The following POU6F2 variants were observed in gnomAD, a reference collection of about 807,000 sequenced individuals.
POU6F2 encodes POU class 6 homeobox 2.
POU6F2 carries 31 observed loss-of-function variants against 71.3 expected under a neutral mutation model. That is an observed-to-expected ratio of 0.43 (90% CI 0.33 to 0.59). POU6F2 has a LOEUF of 0.59. Among genes scored for constraint, POU6F2 ranks in the 20% least tolerant of loss-of-function variants. The probability of loss-of-function intolerance (pLI) is 0.04; values close to 1 mark genes in which losing one functional copy is unlikely to be tolerated. For synonymous variants in POU6F2, 347 were observed against 355.7 expected (o/e 0.98, Z 0.27); for missense variants, 783 against 856.8 (o/e 0.91, Z 1.07).
At chr7:39,215,260 G>A (rs1435364832) in intron 4 of POU6F2, among the ~76,000 whole-genome samples, 6 of 152,126 alleles carry the variant, frequency 3.9e-5, no homozygotes, top group East Asian at 1.9e-4. Flanking sequence ...CATGAGAATC[G>A]CTTGTACTTG....
chr7:39,269,228 C>T (rs967614628), intron 4 of POU6F2, among the ~76,000 whole-genome samples: 1 of 152,034 alleles, frequency 6.6e-6, no homozygotes, highest in Non-Finnish European at 1.5e-5. Flanking sequence ...ACCACTGACC[C>T]CAGGGGAGAG....
chr7:39,163,513 C>T (rs1793040657), intron 2 of POU6F2, among the ~76,000 whole-genome samples: 1 of 152,178 alleles, frequency 6.6e-6, no homozygotes, highest in Non-Finnish European at 1.5e-5. Context: ...TGGGACAGCA[C>T]ATTTGGCATC....
intron 4 of POU6F2, among the ~76,000 whole-genome samples, chr7:39,298,629 AT>A (rs1051058191): frequency 1.3e-5 from 2 of 152,220 alleles, no homozygotes; most frequent in Non-Finnish European, 2.9e-5. Flanking sequence ...CAGAAATACC[AT>A]TTTACCCAGC....
At chr7:39,311,564 A>G (rs1785165476) in intron 4 of POU6F2, among the ~76,000 whole-genome samples, 2 of 152,242 alleles carry the variant, frequency 1.3e-5, no homozygotes, top group African/African-American at 4.8e-5. Flanking sequence ...TAGGTAGTCA[A>G]TAAGTATTTG....
At chr7:39,340,838 A>G (rs1785902694) in intron 5 of POU6F2, among the ~76,000 whole-genome samples, 2 of 116,896 alleles carry the variant, frequency 1.7e-5, no homozygotes, top group South Asian at 5.2e-4. Context: ...GCTTCAAAAC[A>G]TAATGACTGT....
chr7:39,203,463 A>G (rs1183430198), intron 2 of POU6F2, among the ~76,000 whole-genome samples: 3 of 152,220 alleles, frequency 2.0e-5, no homozygotes, highest in African/African-American at 7.2e-5. Context: ...TGTTTCTACC[A>G]CTATCTTACC....
Position 39,033,060 on chromosome 7 carries a change from G to T in POU6F2, c.106-52800G>T, listed in dbSNP as rs920593455. Among the ~76,000 whole-genome samples, 6 of 152,126 alleles carry T rather than the reference G, an allele frequency of 3.9e-5. No individual in the cohort carries two copies. The South Asian group carries it at 1.0e-3, about 26-fold the overall frequency. ...GTGTCTAAAGATTTCCTTGGTCTCT[G>T]CCCAGGAGCAAAAAGAAACTTTCCT... On this transcript the variant is annotated intron_variant, in intron 1 of 9. Coordinates refer to ENST00000518318, the MANE Select transcript of POU6F2 (RefSeq NM_001370959.1).
intron 1 of POU6F2, among the ~76,000 whole-genome samples, chr7:39,066,379 G>A (rs1022306587): frequency 2.0e-5 from 3 of 151,702 alleles, no homozygotes; most frequent in African/African-American, 7.2e-5. Flanking sequence ...TTAGTGTTAT[G>A]AGATATGAAA....
chr7:39,387,603 G>A (rs186037217), intron 5 of POU6F2, among the ~76,000 whole-genome samples: 1 of 152,322 alleles, frequency 6.6e-6, no homozygotes, highest in Non-Finnish European at 1.5e-5. Context: ...CCACAATTCG[G>A]TGGCTCCTGG....
intron 5 of POU6F2, among the ~76,000 whole-genome samples, chr7:39,377,728 A>G (rs3800851): frequency 0.35 from 53,241 of 152,064 alleles, 9,954 homozygotes; most frequent in East Asian, 0.72. Flanking sequence ...TGAAACATGT[A>G]GGTTTAACCC....
chr7:39,354,183 A>T (rs1002176511), intron 5 of POU6F2, among the ~76,000 whole-genome samples: 2 of 152,348 alleles, frequency 1.3e-5, no homozygotes, highest in South Asian at 2.1e-4. Flanking sequence ...AAGAGACTGT[A>T]CTATTGTACT....
At position 39,065,297 on chromosome 7, in the gene POU6F2, G is replaced by C. The variant is rs76539892; in HGVS notation, c.106-20563G>C. On this transcript the variant is annotated intron_variant, in intron 1 of 9. Coordinates refer to ENST00000518318, the MANE Select transcript of POU6F2 (RefSeq NM_001370959.1). Reference sequence around the variant, plus strand: ...TCTCCAAAATAACTGTTGGGTCAAAGAATAAAATAACATCACAGGATGGGC... The same window carrying C: ...TCTCCAAAATAACTGTTGGGTCAAACAATAAAATAACATCACAGGATGGGC... 4.9e-4 allele frequency among the ~76,000 whole-genome samples: 74 copies of C among 151,660 alleles called. No individual in the cohort carries two copies. The East Asian group carries it at 9.5e-3, about 19-fold the overall frequency.
intron 1 of POU6F2, among the ~76,000 whole-genome samples, chr7:39,072,804 C>G (rs1396500663): frequency 6.6e-6 from 1 of 152,134 alleles, no homozygotes; most frequent in South Asian, 2.1e-4. Context: ...AAACTCCCTG[C>G]GTGGAGCGAC....
At chr7:39,196,558 A>C (rs1417972642) in intron 2 of POU6F2, among the ~76,000 whole-genome samples, 1 of 152,156 alleles carries the variant, frequency 6.6e-6, no homozygotes, top group Non-Finnish European at 1.5e-5. Flanking sequence ...TAGGAGTTCC[A>C]GACCAGCCTG....
In POU6F2 at chr7:39,190,417, T is replaced by TAAAAAAA. The variant is rs57872350; in HGVS notation, c.278-13795_278-13789dup. Among the ~76,000 whole-genome samples, 24 of 59,902 alleles carry TAAAAAAA rather than the reference T, an allele frequency of 4.0e-4. 2 individuals are homozygous for TAAAAAAA. Among genetic ancestry groups the TAAAAAAA allele is most frequent in the African/African-American group, 1.5e-3 (21 of 13,582 alleles). 39.3% of individuals were successfully genotyped at this position (59,902 alleles called of 152,430 possible). On this transcript the variant is annotated intron_variant, in intron 2 of 9. Transcript: ENST00000518318. ...TTCCTTTTCCTCCTCCTCCTTTTCT[T>TAAAAAAA]AAAAAAAAAAAAAAAAAAAAAAAAA...
At chr7:39,418,939 G>A (rs1202027572) in intron 6 of POU6F2, among the ~76,000 whole-genome samples, 3 of 136,686 alleles carry the variant, frequency 2.2e-5, no homozygotes, top group East Asian at 2.3e-4. Flanking sequence ...GTATATATGT[G>A]TATATATGTA....
At chr7:39,096,506 T>C (rs1174216875) in intron 2 of POU6F2, among the ~76,000 whole-genome samples, 1 of 152,216 alleles carries the variant, frequency 6.6e-6, no homozygotes, top group Non-Finnish European at 1.5e-5. Flanking sequence ...CTATCATCTT[T>C]CTGTCAAGAG....
intron 5 of POU6F2, among the ~76,000 whole-genome samples, chr7:39,402,911 G>GT (rs1476458305): frequency 1.3e-5 from 2 of 152,166 alleles, no homozygotes; most frequent in African/African-American, 4.8e-5. Flanking sequence ...TTCATGCACA[G>GT]TATAAACCAT....
At chr7:39,450,048 A>T (rs1467365502) in intron 7 of POU6F2, among the ~76,000 whole-genome samples, 2 of 152,228 alleles carry the variant, frequency 1.3e-5, no homozygotes, top group African/African-American at 4.8e-5. Context: ...GTGTGTACAC[A>T]TTTGACAAAA....
Sources: allele counts gnomAD v4.1 joint callset (sites outside exome capture counted in the v4.1 genomes callset), GRCh38; gene constraint gnomAD v4.1.1; transcripts MANE v1.5; gene names NCBI Gene and HGNC (gene_info 2026-07-23, HGNC 2026-07-21).